KIF9: variants seen among roughly 807,000 people sequenced by gnomAD.
KIF9 encodes kinesin-like protein KIF9.
In KIF9, 68 loss-of-function variants were observed where a neutral mutation model predicts 94.8. The observed-to-expected ratio is 0.72, with a 90% CI of 0.59 to 0.88. The LOEUF is 0.88. KIF9 is among the 40% of genes least tolerant of loss of function. The pLI, the probability that KIF9 is intolerant of heterozygous loss-of-function variation, is 0.00. For missense variants in KIF9, 882 were observed against 982.5 expected (o/e 0.90, Z 1.37); for synonymous variants, 343 against 362.1 (o/e 0.95, Z 0.60).
At position 47,271,352 on chromosome 3, in the gene KIF9, A is replaced by C. The variant is rs1183411297; in HGVS notation, c.476T>G (p.Val159Gly). The C allele has an allele frequency of 3.1e-6, 5 of 1,613,840 alleles. No individual in the cohort carries two copies. Among genetic ancestry groups the C allele is most frequent in the Non-Finnish European group, 4.2e-6 (5 of 1,179,884 alleles). The change falls in exon 5 of 21, where the codon GTT becomes GGT. Residue 159 changes from valine (V) to glycine (G), a missense_variant. Coordinates refer to ENST00000684063, the MANE Select transcript of KIF9 (RefSeq NM_182902.4). The stretch of plus-strand genomic sequence containing the variant: ...GGTCATTGGTGTGACTGAGGGTCCA[A>C]CATAGGGCAGAGTGGACAGGAGATC... Reference protein sequence around the residue: ...LFDLLSTLPYVGPSVTPMTIV... With the variant: ...LFDLLSTLPYGGPSVTPMTIV...
chr3:47,242,990 A>T, intron 16 of KIF9, 61 bp downstream of exon 16: 1 of 1,348,630 alleles, frequency 7.4e-7, no homozygotes, highest in Non-Finnish European at 1.0e-6. Flanking sequence ...TACTCTTCAC[A>T]TGTTGAGGAT....
At chr3:47,235,858 C>T (rs1353730238) in intron 19 of KIF9, among the ~76,000 whole-genome samples, 176 bp downstream of exon 19, 1 of 152,198 alleles carries the variant, frequency 6.6e-6, no homozygotes, top group Admixed American at 6.5e-5. Context: ...TGGTATTTTC[C>T]CCCATTCCTT....
intron 1 of KIF9, among the ~76,000 whole-genome samples, chr3:47,279,423 G>C (rs527690920): frequency 3.3e-5 from 5 of 150,304 alleles, no homozygotes; most frequent in Non-Finnish European, 5.9e-5. Context: ...GTTGCAGTGA[G>C]CCAATGTCAT....
In KIF9 at chr3:47,236,502, C is replaced by A; in HGVS notation, c.2042G>T (p.Arg681Met). 1.2e-6 allele frequency: 2 copies of A among 1,613,996 alleles called. No homozygotes were observed. The highest frequency in any genetic ancestry group is 1.7e-6 in the Non-Finnish European group (2 of 1,180,038). ...RSEYQDLRDL[R>M]AEIQYCQHLV... is the part of the protein sequence containing the mutation. ...GTGCTGGCAATACTGGATCTCAGCC[C>A]TGAGGTCACGCAGGTCCTGGTACTC... Residue 681 changes from arginine to methionine, a missense_variant, in exon 18 of 21, where the codon AGG (arginine) becomes ATG (methionine). Arg to Met is a moderately conservative substitution (Grantham distance 91). Transcript: ENST00000684063.
intron 9 of KIF9, among the ~76,000 whole-genome samples, chr3:47,258,494 C>T (rs1406470787): frequency 6.6e-6 from 1 of 152,160 alleles, no homozygotes; most frequent in Non-Finnish European, 1.5e-5. Flanking sequence ...GGATCTCTGT[C>T]CCCACCCAAA....
At chr3:47,274,285 T>C (rs971355965) in intron 3 of KIF9, among the ~76,000 whole-genome samples, 1 of 152,174 alleles carries the variant, frequency 6.6e-6, no homozygotes, top group African/African-American at 2.4e-5. Flanking sequence ...AAGACTTTCA[T>C]TGCACTTCTC....
chr3:47,247,508 GC>G, intron 11 of KIF9, 31 bp from the exon 12 acceptor site: 1 of 1,539,568 alleles, frequency 6.5e-7, no homozygotes, highest in Non-Finnish European at 9.0e-7. Flanking sequence ...ATGTGGATAA[GC>G]AACAAGAACC....
rs1045490100 is a variant in KIF9, at chr3:47,228,604, T to C, written c.*48A>G. On this transcript the variant is annotated 3_prime_UTR_variant, in exon 21 of 21. Transcript: ENST00000684063. ...AGGTGGTTGAGCAGCTCCACTACAG[T>C]AGGTGGGAGTTGCTGGTCTTGTCCT... is the stretch of plus-strand genomic sequence containing the variant. 13 of 1,481,914 alleles carry C rather than the reference T, an allele frequency of 8.8e-6. No homozygotes were observed. Among genetic ancestry groups the C allele is most frequent in the Non-Finnish European group, 1.2e-5 (13 of 1,059,688 alleles). 91.8% of individuals were successfully genotyped at this position (1,481,914 alleles called of 1,614,324 possible). A position where few individuals can be genotyped will look rare whatever the true frequency, so the allele number is the denominator to read the frequency against.
intron 9 of KIF9, among the ~76,000 whole-genome samples, chr3:47,261,790 G>A (rs144649866): frequency 2.6e-5 from 4 of 152,308 alleles, no homozygotes; most frequent in East Asian, 3.9e-4. Context: ...TCAAGAAGAC[G>A]TCTCTGTCAT....
Position 47,247,458 on chromosome 3 carries a change from G to C in KIF9, c.1148C>G (p.Thr383Ser), listed in dbSNP as rs767192309. ...HDSLTNRTFV[T>S]YDPMDEIQIA... ...CTGGATTTCATCCATGGGGTCATAG[G>C]TCACAAAGGTGCGGTTGGTCTTGAA... Residue 383 changes from threonine to serine, a missense_variant, in exon 12 of 21, where the codon ACC becomes AGC. Transcript: ENST00000684063. The C allele has an allele frequency of 6.2e-7, 1 of 1,613,614 alleles. No homozygotes were observed. Among genetic ancestry groups the C allele is most frequent in the Non-Finnish European group, 8.5e-7 (1 of 1,179,554 alleles).
chr3:47,246,354 G>T, intron 12 of KIF9, 102 bp from the exon 13 acceptor site: 1 of 831,540 alleles, frequency 1.2e-6, no homozygotes, highest in Non-Finnish European at 1.8e-6. Context: ...GCTGACCCCT[G>T]GACCATCTGT....
At chr3:47,258,559 T>C (rs891552038) in intron 9 of KIF9, among the ~76,000 whole-genome samples, 7 of 152,180 alleles carry the variant, frequency 4.6e-5, no homozygotes, top group Non-Finnish European at 7.3e-5. Flanking sequence ...TGGGAGATGA[T>C]TGGATCATGG....
chr3:47,273,300 C>T (rs577376772), intron 4 of KIF9, among the ~76,000 whole-genome samples: 91 of 152,282 alleles, frequency 6.0e-4, no homozygotes, highest in Non-Finnish European at 1.1e-3. Context: ...TGCCTGACTC[C>T]CTCCTTCCCA....
intron 17 of KIF9, chr3:47,239,958 G>T (rs1307571172): frequency 7.3e-7 from 1 of 1,363,566 alleles, no homozygotes; most frequent in African/African-American, 1.5e-5. Context: ...GTGAAGAACA[G>T]TGTGGCCTCT....
intron 3 of KIF9, 93 bp downstream of exon 3, chr3:47,275,232 A>G (rs1433494906): frequency 1.1e-6 from 1 of 952,240 alleles, no homozygotes; most frequent in Non-Finnish European, 1.6e-6. Context: ...TACAAATGAT[A>G]GTGAGTGAGC....
chr3:47,281,208 C>A (rs1702318874), intron 1 of KIF9: 1 of 589,592 alleles, frequency 1.7e-6, no homozygotes, highest in Non-Finnish European at 3.0e-6. Flanking sequence ...GAGAGAGTCC[C>A]AAGGGGCATA....
At chr3:47,265,390 G>A (rs115636334) in intron 8 of KIF9, among the ~76,000 whole-genome samples, 143 of 152,262 alleles carry the variant, frequency 9.4e-4, no homozygotes, top group Non-Finnish European at 1.8e-3. Context: ...GGAGGCTGCA[G>A]GGGAAGGGAA....
intron 1 of KIF9, among the ~76,000 whole-genome samples, chr3:47,277,839 G>A (rs1702073992): frequency 6.6e-6 from 1 of 151,802 alleles, no homozygotes; most frequent in Non-Finnish European, 1.5e-5. Context: ...TTCTCCAGTA[G>A]ACTAACTAGA....
intron 5 of KIF9, among the ~76,000 whole-genome samples, chr3:47,269,156 T>G (rs1222176506): frequency 6.6e-6 from 1 of 152,230 alleles, no homozygotes; most frequent in East Asian, 1.9e-4. Flanking sequence ...GAAGGCACTA[T>G]GATCATGCCT....
Sources: gnomAD v4.1 joint callset for allele counts (sites outside exome capture counted in the v4.1 genomes callset) on GRCh38, gnomAD v4.1.1 for gene constraint, MANE v1.5 for transcripts, NCBI Gene and HGNC (gene_info 2026-07-23, HGNC 2026-07-21) for gene names.